Variants in LEPROTL1 observed in about 807,000 individuals in gnomAD.
The protein encoded by LEPROTL1 is leptin receptor overlapping transcript-like 1.
Under a neutral mutation model 15.4 loss-of-function variants are expected in LEPROTL1, and 6 were observed. That is an observed-to-expected ratio of 0.39 (90% confidence interval 0.21 to 0.77). The LOEUF (loss-of-function observed/expected upper bound fraction) is 0.77. Among genes scored for constraint, LEPROTL1 ranks in the 30% least tolerant of loss-of-function variants. The pLI is 0.41. For missense variants in LEPROTL1, 128 were observed against 158.1 expected, an observed-to-expected ratio of 0.81 and a Z score of 1.02; for synonymous variants, 56 against 52.6, an observed-to-expected ratio of 1.06 and a Z score of -0.28.
At position 30,117,690 on chromosome 8, in the gene LEPROTL1, G is replaced by A. The variant is rs963290938; in HGVS notation, c.279+13204G>A. 23 of 1,454,076 alleles carry A rather than the reference G, an allele frequency of 1.6e-5. No individual in the cohort carries two copies. In the African/African-American group the frequency reaches 2.1e-4, roughly 13 times the overall value. 90.1% of individuals were successfully genotyped at this position (1,454,076 alleles called of 1,614,324 possible). A position where few individuals can be genotyped will look rare whatever the true frequency, so the allele number is the denominator to read the frequency against. On this transcript the variant is annotated intron_variant, in intron 3 of 4. Coordinates refer to the LEPROTL1 transcript ENST00000442880. Reference sequence around the variant, plus strand: ...AAACCAGACGATGACTTTGGAGCACGGCCTAATAAGCACCTGGCTGGCGTT... The same window carrying A: ...AAACCAGACGATGACTTTGGAGCACAGCCTAATAAGCACCTGGCTGGCGTT...
intron 3 of LEPROTL1, 41 bp from the exon 4 acceptor site, chr8:30,105,704 CG>C: frequency 6.5e-7 from 1 of 1,535,724 alleles, no homozygotes; most frequent in South Asian, 1.2e-5. Flanking sequence ...ATTTTCCTTT[CG>C]TTTTTCATGC....
chr8:30,113,809 G>A (rs1407634349), intron 3 of LEPROTL1, among the ~76,000 whole-genome samples: 1 of 152,104 alleles, frequency 6.6e-6, no homozygotes, highest in Non-Finnish European at 1.5e-5. Flanking sequence ...CAGCCAGGGG[G>A]TCTCCATGCA....
chr8:30,131,817 A>T, intron 3 of LEPROTL1: 1 of 1,100,714 alleles, frequency 9.1e-7, no homozygotes, highest in Non-Finnish European at 1.3e-6. Flanking sequence ...GTCACTGGGT[A>T]TATCCATCCA....
chr8:30,124,620 C>G (rs1450647079), intron 3 of LEPROTL1, among the ~76,000 whole-genome samples: 1 of 152,042 alleles, frequency 6.6e-6, no homozygotes, highest in East Asian at 1.9e-4. Flanking sequence ...AATATTCTTT[C>G]AAAGTCGGTT....
At chr8:30,097,276 G>A (rs1179210781) in intron 1 of LEPROTL1, among the ~76,000 whole-genome samples, 1 of 152,142 alleles carries the variant, frequency 6.6e-6, no homozygotes, top group East Asian at 1.9e-4. Flanking sequence ...CAAGTTTTGA[G>A]AACACTTTTA....
intron 3 of LEPROTL1, among the ~76,000 whole-genome samples, chr8:30,120,904 T>C (rs1585474658): frequency 6.6e-6 from 1 of 152,300 alleles, no homozygotes; most frequent in South Asian, 2.1e-4. Flanking sequence ...TTCAGTATTG[T>C]TATATACCCG....
downstream of LEPROTL1, among the ~76,000 whole-genome samples, chr8:30,110,675 AG>A (rs1802642501): frequency 6.6e-6 from 1 of 152,074 alleles, no homozygotes; most frequent in Admixed American, 6.5e-5. Flanking sequence ...CAGAGGTTGC[AG>A]TGAGCCAAGA....
chr8:30,102,538 G>A (rs1255196443), intron 2 of LEPROTL1, among the ~76,000 whole-genome samples: 2 of 151,936 alleles, frequency 1.3e-5, no homozygotes, highest in East Asian at 3.9e-4. Context: ...TGTAGTCCCA[G>A]GTACTCGGGA....
chr8:30,103,001 G>A (rs1802496610), intron 2 of LEPROTL1, among the ~76,000 whole-genome samples: 1 of 152,118 alleles, frequency 6.6e-6, no homozygotes, highest in Non-Finnish European at 1.5e-5. Flanking sequence ...CCCACTTGCA[G>A]ATGTTTACAA....
downstream of LEPROTL1, among the ~76,000 whole-genome samples, chr8:30,112,184 A>G (rs1253273557): frequency 1.3e-5 from 2 of 152,060 alleles, no homozygotes; most frequent in Admixed American, 1.3e-4. Flanking sequence ...TTTGTTTCAG[A>G]CCCTTGCCAA....
intron 2 of LEPROTL1, among the ~76,000 whole-genome samples, chr8:30,103,574 C>T (rs1181022440): frequency 6.6e-6 from 1 of 151,870 alleles, no homozygotes; most frequent in Non-Finnish European, 1.5e-5. Flanking sequence ...AACTCCATCT[C>T]CACTAAAAAT....
intron 3 of LEPROTL1, among the ~76,000 whole-genome samples, chr8:30,122,127 A>G (rs147290913): frequency 0.013 from 2,005 of 151,824 alleles, 44 homozygotes; most frequent in East Asian, 0.073. Flanking sequence ...AGATCATGCC[A>G]CTGCACTCCA....
At chr8:30,133,630 T>C (rs1295263544) in intron 4 of LEPROTL1, among the ~76,000 whole-genome samples, 1 of 151,234 alleles carries the variant, frequency 6.6e-6, no homozygotes. Flanking sequence ...AATTTGAAAG[T>C]TGTGGGAATA....
chr8:30,126,207 A>C (rs1042880700), intron 3 of LEPROTL1, among the ~76,000 whole-genome samples: 24 of 152,198 alleles, frequency 1.6e-4, no homozygotes, highest in African/African-American at 5.1e-4. Context: ...ACTGGGAGTC[A>C]GAGACCCCTA....
At chr8:30,112,846 C>A (rs1802675647), downstream of LEPROTL1, among the ~76,000 whole-genome samples, 1 of 152,000 alleles carries the variant, frequency 6.6e-6, no homozygotes, top group African/African-American at 2.4e-5. Context: ...CTGTTTCTTA[C>A]CAATTGCCTG....
intron 3 of LEPROTL1, among the ~76,000 whole-genome samples, chr8:30,114,348 T>C (rs1802702965): frequency 2.0e-5 from 3 of 152,114 alleles, no homozygotes; most frequent in African/African-American, 7.2e-5. Context: ...TGGAATACAG[T>C]GATGTGATCC....
At chr8:30,120,702 C>G (rs972382689) in intron 3 of LEPROTL1, among the ~76,000 whole-genome samples, 1 of 151,960 alleles carries the variant, frequency 6.6e-6, no homozygotes, top group East Asian at 1.9e-4. Context: ...GGCTAATTTT[C>G]GTATTTCTTT....
intron 1 of LEPROTL1, chr8:30,095,732 C>T (rs1802350376): frequency 2.9e-6 from 2 of 689,866 alleles, no homozygotes; most frequent in South Asian, 1.5e-5. Context: ...GCGACCCCGG[C>T]TTCGCCCCGC....
At chr8:30,104,774 G>A (rs964236345) in intron 3 of LEPROTL1, 10 of 196,462 alleles carry the variant, frequency 5.1e-5, no homozygotes, top group East Asian at 1.2e-4. Flanking sequence ...GTGCAGTGGC[G>A]TGATCTCACC....
Sources: allele counts gnomAD v4.1 joint callset (sites outside exome capture counted in the v4.1 genomes callset), GRCh38; gene constraint gnomAD v4.1.1; transcripts MANE v1.5; gene names NCBI Gene and HGNC (gene_info 2026-07-23, HGNC 2026-07-21).